SPIRE1: variants seen among roughly 807,000 people sequenced by gnomAD.
SPIRE1 encodes the protein protein spire homolog 1.
Under a neutral mutation model 94.1 loss-of-function variants are expected in SPIRE1, and 40 were observed. The ratio of observed to expected loss-of-function variants is 0.43; its 90% CI spans 0.33 to 0.55. The LOEUF (loss-of-function observed/expected upper bound fraction) is 0.55. SPIRE1 is among the 20% of genes least tolerant of loss of function. The pLI is 0.06. For missense variants in SPIRE1, 838 were observed against 975.2 expected (o/e 0.86, Z 1.87); for synonymous variants, 376 against 371.7 (o/e 1.01, Z -0.13).
In SPIRE1 at chr18:12,546,663, C is replaced by T. The variant is rs758175801; in HGVS notation, c.603+11G>A. 5.7e-6 allele frequency: 9 copies of T among 1,574,124 alleles called. No individual in the cohort carries two copies. The highest frequency in any genetic ancestry group is 1.7e-5 in the Admixed American group (1 of 59,622). The stretch of plus-strand genomic sequence containing the variant: ...TGAAAAAAACAAGTACTGCATAAAA[C>T]GCTGCCTTACCTTCATGACATCTCT... On this transcript the variant is annotated intron_variant, in intron 3 of 16. Transcript: ENST00000409402.
intron 12 of SPIRE1, among the ~76,000 whole-genome samples, chr18:12,460,943 G>C (rs1277204205): frequency 1.3e-5 from 2 of 152,114 alleles, no homozygotes; most frequent in African/African-American, 2.4e-5. Flanking sequence ...CTGGTGCTTG[G>C]AGGCCTGCGT....
chr18:12,660,006 A>T (rs2038662740), upstream of SPIRE1, among the ~76,000 whole-genome samples: 1 of 152,234 alleles, frequency 6.6e-6, no homozygotes, highest in Non-Finnish European at 1.5e-5. Flanking sequence ...CCAGGAAAAA[A>T]AATGAAGGTC....
At chr18:12,601,040 T>G (rs1286398376) in intron 2 of SPIRE1, among the ~76,000 whole-genome samples, 1 of 152,146 alleles carries the variant, frequency 6.6e-6, no homozygotes, top group Non-Finnish European at 1.5e-5. Flanking sequence ...TTAGTTATTC[T>G]GATGCTCAAG....
intron 3 of SPIRE1, among the ~76,000 whole-genome samples, chr18:12,539,876 G>A (rs549865025): frequency 2.1e-4 from 31 of 149,538 alleles, no homozygotes; most frequent in Non-Finnish European, 3.7e-4. Context: ...GCAGTGAGCC[G>A]AGATCACGCC....
intron 4 of SPIRE1, among the ~76,000 whole-genome samples, chr18:12,514,910 G>A (rs2034150718): frequency 6.6e-6 from 1 of 152,124 alleles, no homozygotes; most frequent in Admixed American, 6.5e-5. Context: ...TATTAAACAG[G>A]TCAACAAGAT....
At chr18:12,601,155 T>C (rs986724758) in intron 2 of SPIRE1, among the ~76,000 whole-genome samples, 2 of 151,752 alleles carry the variant, frequency 1.3e-5, no homozygotes, top group Non-Finnish European at 2.9e-5. Flanking sequence ...GTGCGGTGGC[T>C]CACGCCTGTA....
chr18:12,565,832 G>A (rs1213817771), intron 2 of SPIRE1, among the ~76,000 whole-genome samples: 10 of 151,448 alleles, frequency 6.6e-5, no homozygotes, highest in African/African-American at 1.9e-4. Flanking sequence ...TCAGAAGTAC[G>A]AGACCAGCCT....
chr18:12,553,090 T>C (rs1457863987), intron 2 of SPIRE1, among the ~76,000 whole-genome samples: 5 of 152,076 alleles, frequency 3.3e-5, no homozygotes, highest in Admixed American at 2.6e-4. Context: ...TAGTACGCCA[T>C]GGACCTTGGG....
chr18:12,487,215 T>G (rs1429547133), intron 8 of SPIRE1, among the ~76,000 whole-genome samples: 2 of 152,176 alleles, frequency 1.3e-5, no homozygotes, highest in Non-Finnish European at 2.9e-5. Context: ...TTATTAGTAA[T>G]TGTTGTGAAT....
chr18:12,549,822 G>A (rs1460758545), intron 2 of SPIRE1, among the ~76,000 whole-genome samples: 2 of 151,926 alleles, frequency 1.3e-5, no homozygotes, highest in African/African-American at 2.4e-5. Flanking sequence ...AGAGCTGGGG[G>A]GAGAAAAATC....
chr18:12,479,775 G>A lies in SPIRE1; in HGVS notation c.1328C>T (p.Ser443Leu), dbSNP rs775301411. The A allele has an allele frequency of 1.9e-6, 3 of 1,614,032 alleles. No homozygotes were observed. In the Admixed American group the frequency reaches 5.0e-5, roughly 27 times the overall value. The change falls in exon 10 of 17, where the codon TCA becomes TTA. Residue 443 changes from serine (S) to leucine (L), a missense_variant. Around this residue, in one of 2 missense-constraint regions of SPIRE1, gnomAD observed 645 missense variants for 804.7 expected, o/e 0.80. Transcript: ENST00000409402. Reference protein sequence around the residue: ...SQTKENGLSTSQQVPAQRKKL... With the variant: ...SQTKENGLSTLQQVPAQRKKL... ...CTTCCGCTGTGCAGGCACCTGCTGT[G>A]AGGTACTTAACCCGTTTTCTTTTGT...
intron 1 of SPIRE1, among the ~76,000 whole-genome samples, chr18:12,646,706 A>C (rs1047437645): frequency 6.6e-5 from 10 of 152,122 alleles, no homozygotes; most frequent in Admixed American, 5.9e-4. Flanking sequence ...GGGATGGGAG[A>C]GAAAATGGGA....
At chr18:12,512,624 A>G in intron 4 of SPIRE1, 93 bp from the exon 5 acceptor site, 1 of 771,028 alleles carries the variant, frequency 1.3e-6, no homozygotes, top group Non-Finnish European at 2.1e-6. Context: ...ACATATATTC[A>G]AGTACCAGTG....
At chr18:12,655,127 T>G (rs1273098545) in intron 1 of SPIRE1, among the ~76,000 whole-genome samples, 1 of 151,408 alleles carries the variant, frequency 6.6e-6, no homozygotes, top group East Asian at 1.9e-4. Flanking sequence ...CCAAGGCAGT[T>G]GGATCACTTA....
At chr18:12,493,890 T>G (rs76634815) in intron 7 of SPIRE1, among the ~76,000 whole-genome samples, 6,855 of 151,814 alleles carry the variant, frequency 0.045, 240 homozygotes, top group African/African-American at 0.083. Flanking sequence ...GTTCTTTTTT[T>G]TGTGTTTTTG....
chr18:12,516,818 G>C (rs185683491), intron 4 of SPIRE1, among the ~76,000 whole-genome samples: 3 of 152,044 alleles, frequency 2.0e-5, no homozygotes, highest in African/African-American at 7.3e-5. Context: ...ACTATTCTCC[G>C]ACACATCCCT....
chr18:12,478,911 T>G (rs942904064), intron 10 of SPIRE1, among the ~76,000 whole-genome samples: 1 of 152,014 alleles, frequency 6.6e-6, no homozygotes, highest in African/African-American at 2.4e-5. Flanking sequence ...ACTATTAGAA[T>G]TTTCTTTTTT....
At chr18:12,600,591 C>A (rs2144635653) in intron 2 of SPIRE1, among the ~76,000 whole-genome samples, 1 of 152,268 alleles carries the variant, frequency 6.6e-6, no homozygotes, top group Admixed American at 6.5e-5. Context: ...CATCCATCAT[C>A]ACTCCTTCTA....
rs1468404244 is a variant in SPIRE1, at chr18:12,453,122, C to T, written c.1793G>A (p.Arg598Gln). The T allele has an allele frequency of 2.5e-6, 4 of 1,606,370 alleles. No homozygotes were observed. The highest frequency in any genetic ancestry group is 1.3e-5 in the African/African-American group (1 of 74,424). ...AGTGAAGAAGGAAAACCTCCTGGTT[C>T]GGCAACAAAAGCAGAGCTAAAAAAT... is the stretch of plus-strand genomic sequence containing the variant. ...LKKGKLCFCC[R>Q]TRRFSFFTWS... The change falls in exon 14 of 17, where the codon CGA becomes CAA. Residue 598 changes from arginine (R) to glutamine (Q), a missense_variant. By Grantham distance (43) the Arg-to-Gln change is conservative. Around this residue, in one of 2 missense-constraint regions of SPIRE1, gnomAD observed 645 missense variants for 804.7 expected, o/e 0.80. Transcript: ENST00000409402.
Sources: allele counts gnomAD v4.1 joint callset (sites outside exome capture counted in the v4.1 genomes callset), GRCh38; gene constraint gnomAD v4.1.1; regional missense constraint gnomAD v4.1.1; transcripts MANE v1.5; gene names NCBI Gene and HGNC (gene_info 2026-07-23, HGNC 2026-07-21).